LRP8: variants seen among roughly 807,000 people sequenced by gnomAD.
LRP8 encodes the protein low-density lipoprotein receptor-related protein 8.
In LRP8, 46 loss-of-function variants were observed where a neutral mutation model predicts 111.6. The ratio of observed to expected loss-of-function variants is 0.41; its 90% CI spans 0.33 to 0.53. The LOEUF (loss-of-function observed/expected upper bound fraction) is 0.53, where lower values mean the gene tolerates loss of function less well. LRP8 is among the 20% of genes least tolerant of loss of function. The pLI, the probability that LRP8 is intolerant of heterozygous loss-of-function variation, is 0.20. For missense variants in LRP8, 959 were observed against 1,297.4 expected (o/e 0.74, Z 4.01); for synonymous variants, 464 against 511.2 (o/e 0.91, Z 1.24).
intron 18 of LRP8, among the ~76,000 whole-genome samples, chr1:53,247,479 A>G (rs909762928): frequency 1.3e-5 from 2 of 152,216 alleles, no homozygotes; most frequent in African/African-American, 4.8e-5. Context: ...CTAGCATGCT[A>G]ATCACATTTA....
In LRP8 at chr1:53,265,100, A is replaced by AT. The variant is rs138029177; in HGVS notation, c.1428-705dup. On this transcript the variant is annotated intron_variant, in intron 9 of 18. Coordinates refer to ENST00000306052, the MANE Select transcript of LRP8 (RefSeq NM_004631.5). ...GGACGTTACAGCATCTGGGTGGGAG[A>AT]TTAAGAGAGTCTGAAGAATGACCGT... Among the ~76,000 whole-genome samples the AT allele has an allele frequency of 5.4e-3, 822 of 152,268 alleles. 9 individuals carry two copies. The highest frequency in any genetic ancestry group is 0.019 in the African/African-American group (788 of 41,534).
At chr1:53,278,344 C>T (rs182963754) in intron 4 of LRP8, among the ~76,000 whole-genome samples, 5 of 152,348 alleles carry the variant, frequency 3.3e-5, no homozygotes, top group African/African-American at 1.2e-4. Flanking sequence ...GGGGTAGGCC[C>T]CGGTGGGGCA....
rs758343793 is a variant in LRP8 at position 53,266,594 on chromosome 1, C to T, written c.1306G>A (p.Asp436Asn). 14 of 1,614,038 alleles carry T rather than the reference C, an allele frequency of 8.7e-6. No individual in the cohort carries two copies. Among genetic ancestry groups the T allele is most frequent in the Non-Finnish European group, 1.2e-5 (14 of 1,180,044 alleles). ...FTNRHEVRRI[D>N]LVKRNYSRLI... ...CGTGAATAGTTCCGCTTCACCAGGT[C>T]GATCCTCCGCACCTCGTGCCGGTTG... The change falls in exon 9 of 19, where the codon GAC becomes AAC. Residue 436 changes from aspartate to asparagine, a missense_variant. Transcript: ENST00000306052. This position sits in a 1 kb window ranked among gnomAD's most constrained non-coding sequence, Gnocchi z 5.0.
intron 2 of LRP8, 125 bp from the exon 3 acceptor site, chr1:53,289,814 G>C: frequency 8.0e-7 from 1 of 1,245,478 alleles, no homozygotes; most frequent in South Asian, 1.4e-5. Context: ...CAGAGGACAG[G>C]AGAGACAAGC....
Position 53,258,303 on chromosome 1 carries a change from T to C in LRP8, c.2209+16A>G, listed in dbSNP as rs1485991389. On this transcript the variant is annotated intron_variant, in intron 14 of 18. Transcript: ENST00000306052. ...TGACACTGCCAGGGGCCATCCCTCC[T>C]GGAAGGTCTGCTTACCTCGGTAGCA... is the stretch of plus-strand genomic sequence containing the variant. 1 of 1,612,236 alleles carries C rather than the reference T, an allele frequency of 6.2e-7. No individual in the cohort carries two copies. The highest frequency in any genetic ancestry group is 2.2e-5 in the East Asian group (1 of 44,796).
intron 10 of LRP8, among the ~76,000 whole-genome samples, chr1:53,263,968 G>A (rs1646446820): frequency 6.6e-6 from 1 of 152,146 alleles, no homozygotes; most frequent in Non-Finnish European, 1.5e-5. Context: ...ACGATATAAC[G>A]AGTGGGTGGG....
At chr1:53,327,308 A>T (rs1205638986) in intron 1 of LRP8, 3 of 318,580 alleles carry the variant, frequency 9.4e-6, no homozygotes, top group South Asian at 5.5e-5. Context: ...GCCCATAGGG[A>T]GTCCCCGCGC....
chr1:53,266,461 A>T lies in LRP8; in HGVS notation c.1427+12T>A. 1.9e-6 allele frequency: 3 copies of T among 1,613,532 alleles called. No homozygotes were observed. The highest frequency in any genetic ancestry group is 2.5e-6 in the Non-Finnish European group (3 of 1,179,530). On this transcript the variant is annotated intron_variant, in intron 9 of 18. Coordinates refer to ENST00000306052, the MANE Select transcript of LRP8 (RefSeq NM_004631.5). The surrounding 1 kb of genome is among the most constrained non-coding windows in gnomAD (Gnocchi z 5.0). Reference sequence around the variant, plus strand: ...CTCTTCATGCCTTGCTGCAGAGGATATGGCCGCTCACCTATAGATCTTACG... The same window carrying T: ...CTCTTCATGCCTTGCTGCAGAGGATTTGGCCGCTCACCTATAGATCTTACG...
At chr1:53,286,365 G>C (rs1489300471) in intron 3 of LRP8, among the ~76,000 whole-genome samples, 2 of 152,200 alleles carry the variant, frequency 1.3e-5, no homozygotes, top group East Asian at 3.8e-4. Context: ...ATAATAGCAA[G>C]ATGAGCCTGG....
chr1:53,308,159 C>A (rs537465113), intron 2 of LRP8, among the ~76,000 whole-genome samples: 228 of 152,364 alleles, frequency 1.5e-3, no homozygotes, highest in African/African-American at 5.2e-3. Context: ...GGGCTCGGGG[C>A]TGCACATCCA....
intron 2 of LRP8, chr1:53,307,579 A>G (rs1039991681): frequency 1.3e-5 from 2 of 152,264 alleles, no homozygotes; most frequent in Non-Finnish European, 2.9e-5. Context: ...GGTGTGCGCC[A>G]CATACTGAAC....
intron 2 of LRP8, among the ~76,000 whole-genome samples, chr1:53,298,467 C>G (rs907688365): frequency 6.6e-6 from 1 of 152,174 alleles, no homozygotes; most frequent in African/African-American, 2.4e-5. Context: ...GCAGGCAGCA[C>G]GCTGAGAAGA....
intron 16 of LRP8, among the ~76,000 whole-genome samples, chr1:53,252,041 CAAAA>C (rs776015082): frequency 1.9e-5 from 1 of 53,720 alleles, no homozygotes; most frequent in Non-Finnish European, 4.1e-5. Flanking sequence ...GACCTTGTCT[CAAAA>C]AAAAAAAAAA....
chr1:53,275,551 C>T lies in LRP8; in HGVS notation c.1006+80G>A. ...TCTTGGGGACCAAGGGGAAACTCCT[C>T]CCAACTCTGCCCTCTGGAGAGTTAC... On this transcript the variant is annotated intron_variant, in intron 6 of 18. Coordinates refer to ENST00000306052, the MANE Select transcript of LRP8 (RefSeq NM_004631.5). The surrounding 1 kb of genome is among the most constrained non-coding windows in gnomAD (Gnocchi z 4.4). 1 of 1,559,730 alleles carries T rather than the reference C, an allele frequency of 6.4e-7. No homozygotes were observed. Among genetic ancestry groups the T allele is most frequent in the Non-Finnish European group, 8.7e-7 (1 of 1,144,782 alleles).
At position 53,281,682 on chromosome 1, in the gene LRP8, A is replaced by G. The variant is rs570068257; in HGVS notation, c.368-967T>C. The stretch of plus-strand genomic sequence containing the variant: ...CCTGGGTTCAAATCCTACTTCAATC[A>G]CTCACTGACTATGTGACCTTGGCCA... On this transcript the variant is annotated intron_variant, in intron 3 of 18. Transcript: ENST00000306052. Among the ~76,000 whole-genome samples the G allele has an allele frequency of 2.0e-5, 3 of 152,212 alleles. No homozygotes were observed. The South Asian group carries it at 6.2e-4, about 32-fold the overall frequency.
intron 2 of LRP8, among the ~76,000 whole-genome samples, chr1:53,320,478 G>C (rs1654367689): frequency 6.6e-6 from 1 of 152,172 alleles, no homozygotes; most frequent in Non-Finnish European, 1.5e-5. Context: ...TTCTAAGCCT[G>C]GGTGCGAGGA....
intron 3 of LRP8, among the ~76,000 whole-genome samples, chr1:53,281,202 A>G (rs1489025340): frequency 2.0e-5 from 3 of 152,124 alleles, no homozygotes; most frequent in Non-Finnish European, 4.4e-5. Flanking sequence ...AACGGCTCCA[A>G]TCGGCCCGCC....
chr1:53,264,443 G>T, intron 9 of LRP8, 47 bp from the exon 10 acceptor site: 1 of 1,494,208 alleles, frequency 6.7e-7, no homozygotes, highest in Non-Finnish European at 9.2e-7. Flanking sequence ...TCCACCCATG[G>T]GCCCATCTGG....
At chr1:53,297,350 A>C (rs185421175) in intron 2 of LRP8, among the ~76,000 whole-genome samples, 3 of 152,350 alleles carry the variant, frequency 2.0e-5, no homozygotes, top group African/African-American at 7.2e-5. Flanking sequence ...AGAAGTCCAC[A>C]TGCGGACAGT....
Sources: allele counts gnomAD v4.1 joint callset (sites outside exome capture counted in the v4.1 genomes callset), GRCh38; gene constraint gnomAD v4.1.1; non-coding constraint Gnocchi (gnomAD v3.1); transcripts MANE v1.5; gene names NCBI Gene and HGNC (gene_info 2026-07-23, HGNC 2026-07-21).